IQSEC1: variants seen among roughly 807,000 people sequenced by gnomAD.
IQSEC1 encodes IQ motif and Sec7 domain ArfGEF 1.
A neutral mutation model predicts 91.0 loss-of-function variants in IQSEC1; 31 were observed. The ratio of observed to expected loss-of-function variants is 0.34; its 90% CI spans 0.26 to 0.46. The LOEUF (loss-of-function observed/expected upper bound fraction) is 0.46. Ranked by LOEUF, IQSEC1 falls within the 20% of genes least tolerant of loss-of-function variation. IQSEC1 has a pLI of 1.00. For synonymous variants in IQSEC1, 699 were observed against 662.6 expected (o/e 1.05, Z -0.84); for missense variants, 1,388 against 1,575.6 (o/e 0.88, Z 2.02).
intron 1 of IQSEC1, among the ~76,000 whole-genome samples, chr3:13,018,190 G>C (rs1703231684): frequency 6.6e-6 from 1 of 152,248 alleles, no homozygotes; most frequent in African/African-American, 2.4e-5. Flanking sequence ...CTGGGAGGTG[G>C]TGAGCACTCT....
chr3:13,240,575 G>T (rs1695004986), intron 1 of IQSEC1, among the ~76,000 whole-genome samples: 1 of 152,010 alleles, frequency 6.6e-6, no homozygotes, highest in African/African-American at 2.4e-5. Flanking sequence ...TTGGTAGAGG[G>T]TCTCACGGGC....
At chr3:13,264,421 G>T (rs1695448376) in intron 1 of IQSEC1, among the ~76,000 whole-genome samples, 1 of 152,198 alleles carries the variant, frequency 6.6e-6, no homozygotes, top group Non-Finnish European at 1.5e-5. Flanking sequence ...GCTCTCCTGG[G>T]TCTCGGTCTT....
chr3:12,906,489 C>T (rs1258241337), intron 12 of IQSEC1, among the ~76,000 whole-genome samples: 1 of 152,250 alleles, frequency 6.6e-6, no homozygotes, highest in Non-Finnish European at 1.5e-5. Flanking sequence ...ACTCAAACCC[C>T]ACCTCGCTTC....
rs1274415905 is a variant in IQSEC1, at chr3:12,900,725, C to T, written c.*258G>A. On this transcript the variant is annotated 3_prime_UTR_variant, in exon 14 of 14. Coordinates refer to ENST00000613206, the MANE Select transcript of IQSEC1 (RefSeq NM_001134382.3). ...ACTTGGCTGGCTCACCGTTTCAAGGCTGATGGTGTCTGAGGCCCACCCATC... is the reference window on the plus strand; with the variant it reads ...ACTTGGCTGGCTCACCGTTTCAAGGTTGATGGTGTCTGAGGCCCACCCATC... 1.4e-6 allele frequency: 2 copies of T among 1,404,234 alleles called. No homozygotes were observed. Among genetic ancestry groups the T allele is most frequent in the East Asian group, 2.7e-5 (1 of 37,388 alleles). 87.0% of individuals were successfully genotyped at this position (1,404,234 alleles called of 1,614,324 possible). A position where few individuals can be genotyped will look rare whatever the true frequency, so the allele number is the denominator to read the frequency against.
At chr3:13,167,309 A>G (rs2124993384) in intron 1 of IQSEC1, among the ~76,000 whole-genome samples, 1 of 152,296 alleles carries the variant, frequency 6.6e-6, no homozygotes, top group South Asian at 2.1e-4. Context: ...GGGAGGTGAG[A>G]AGAGAAAGAG....
intron 1 of IQSEC1, among the ~76,000 whole-genome samples, chr3:12,958,935 G>A (rs924587411): frequency 2.6e-5 from 4 of 152,224 alleles, no homozygotes; most frequent in African/African-American, 4.8e-5. Flanking sequence ...TAAAGGTGAC[G>A]GGAGCTGTCT....
upstream of IQSEC1, among the ~76,000 whole-genome samples, chr3:13,077,236 A>G (rs1705577234): frequency 6.6e-6 from 1 of 152,192 alleles, no homozygotes; most frequent in Admixed American, 6.5e-5. Context: ...GCCAAAAGGC[A>G]TAAAGATGAA....
At chr3:13,078,167 G>T (rs183524563), upstream of IQSEC1, among the ~76,000 whole-genome samples, 765 of 152,264 alleles carry the variant, frequency 5.0e-3, 8 homozygotes, top group South Asian at 0.014. Context: ...GCTGCTGCAG[G>T]ACTCAAGAGT....
intron 2 of IQSEC1, among the ~76,000 whole-genome samples, chr3:13,081,416 A>G (rs1705645346): frequency 6.6e-6 from 1 of 151,796 alleles, no homozygotes; most frequent in South Asian, 2.1e-4. Flanking sequence ...CTTCAGGAAC[A>G]TGCCACTACA....
At chr3:13,069,424 C>T (rs1366799675) in intron 1 of IQSEC1, among the ~76,000 whole-genome samples, 1 of 152,182 alleles carries the variant, frequency 6.6e-6, no homozygotes, top group East Asian at 1.9e-4. Context: ...CAGGCCCAGT[C>T]CCACCAGTGT....
intron 1 of IQSEC1, among the ~76,000 whole-genome samples, chr3:12,968,188 T>C (rs1700730488): frequency 6.6e-6 from 1 of 152,086 alleles, no homozygotes; most frequent in Non-Finnish European, 1.5e-5. Context: ...TTGCCTTCAG[T>C]TTATAAAACC....
At chr3:13,011,939 G>A (rs1377195130) in intron 1 of IQSEC1, among the ~76,000 whole-genome samples, 6 of 123,162 alleles carry the variant, frequency 4.9e-5, no homozygotes, top group African/African-American at 1.2e-4. Flanking sequence ...TTCTAAGTTC[G>A]TGGGGGACTC....
At position 12,935,480 on chromosome 3, in the gene IQSEC1, C is replaced by T; in HGVS notation, c.1536G>A (p.Arg512=). 6.2e-7 allele frequency: 1 copy of T among 1,613,586 alleles called. No individual in the cohort carries two copies. The highest frequency in any genetic ancestry group is 8.5e-7 in the Non-Finnish European group (1 of 1,179,606). ...PAFSNDVIRK[R]HYRIGLNLFN... ...AGAGGTTCAGGCCGATGCGGTAGTGCCTCTTGCGGATGACATCGTTGCTAA... is the reference window on the plus strand; with the variant it reads ...AGAGGTTCAGGCCGATGCGGTAGTGTCTCTTGCGGATGACATCGTTGCTAA... Residue 512 remains arginine, a synonymous_variant, in exon 3 of 14, where the codon AGG becomes AGA. Coordinates refer to ENST00000613206, the MANE Select transcript of IQSEC1 (RefSeq NM_001134382.3). The surrounding 1 kb of genome is among the most constrained non-coding windows in gnomAD (Gnocchi z 8.0).
chr3:12,959,050 C>A (rs1248647709), intron 1 of IQSEC1, among the ~76,000 whole-genome samples: 1 of 152,196 alleles, frequency 6.6e-6, no homozygotes, highest in Non-Finnish European at 1.5e-5. Flanking sequence ...TTGGAACTTA[C>A]AGATTTGCAG....
chr3:13,071,143 G>GC (rs148886595), intron 1 of IQSEC1, among the ~76,000 whole-genome samples: 38,488 of 112,698 alleles, frequency 0.34, 5,366 homozygotes, highest in South Asian at 0.46. Context: ...GACCCACACA[G>GC]TTTTTTTTTG....
chr3:13,054,824 G>A (rs531907560), intron 1 of IQSEC1, among the ~76,000 whole-genome samples: 1 of 152,250 alleles, frequency 6.6e-6, no homozygotes, highest in Non-Finnish European at 1.5e-5. Flanking sequence ...GGGCACTCGG[G>A]TCAGACGGAC....
chr3:13,279,229 T>C (rs1695745973), intron 1 of IQSEC1, among the ~76,000 whole-genome samples: 1 of 152,174 alleles, frequency 6.6e-6, no homozygotes, highest in African/African-American at 2.4e-5. Flanking sequence ...CTTTACTGAG[T>C]GCCTATTATG....
chr3:13,220,560 T>C (rs116353322), intron 1 of IQSEC1, among the ~76,000 whole-genome samples: 1 of 152,342 alleles, frequency 6.6e-6, no homozygotes, highest in African/African-American at 2.4e-5. Flanking sequence ...CTGCTAAATT[T>C]TCATTGAATT....
chr3:13,225,215 GA>G (rs1332598830), intron 1 of IQSEC1, among the ~76,000 whole-genome samples: 1 of 152,244 alleles, frequency 6.6e-6, no homozygotes, highest in African/African-American at 2.4e-5. Flanking sequence ...AATGGGGCAT[GA>G]ACGTCCCTTT....
Sources: gnomAD v4.1 joint callset for allele counts (sites outside exome capture counted in the v4.1 genomes callset) on GRCh38, gnomAD v4.1.1 for gene constraint, Gnocchi (gnomAD v3.1) non-coding constraint, MANE v1.5 for transcripts, NCBI Gene and HGNC (gene_info 2026-07-23, HGNC 2026-07-21) for gene names.